Variants in PDE10A observed in about 807,000 individuals in gnomAD.
PDE10A encodes cAMP and cAMP-inhibited cGMP 3',5'-cyclic phosphodiesterase 10A.
A neutral mutation model predicts 97.7 loss-of-function variants in PDE10A; 39 were observed. The ratio of observed to expected loss-of-function variants is 0.40; its 90% CI spans 0.31 to 0.52. PDE10A has a LOEUF of 0.52. PDE10A is among the 20% of genes least tolerant of loss of function. The pLI is 0.56. For missense variants in PDE10A, 731 were observed against 1,047.8 expected (o/e 0.70, Z 4.17); for synonymous variants, 371 against 376.8 (o/e 0.98, Z 0.18).
chr6:165,812,898 G>A (rs892415134), intron 1 of PDE10A, among the ~76,000 whole-genome samples: 4 of 152,094 alleles, frequency 2.6e-5, no homozygotes, highest in Admixed American at 2.6e-4. Context: ...GGGGGAATTA[G>A]ATCAGGTTTC....
chr6:165,389,381 G>A (rs1028250755), intron 16 of PDE10A, among the ~76,000 whole-genome samples: 2 of 152,202 alleles, frequency 1.3e-5, no homozygotes, highest in Admixed American at 1.3e-4. Flanking sequence ...GATAATAACA[G>A]TGAAAGCTTC....
At chr6:165,856,580 T>C (rs190488087) in intron 1 of PDE10A, among the ~76,000 whole-genome samples, 2 of 152,222 alleles carry the variant, frequency 1.3e-5, no homozygotes, top group Non-Finnish European at 2.9e-5. Context: ...AACCACACAC[T>C]TAGGAACTCT....
intron 18 of PDE10A, among the ~76,000 whole-genome samples, chr6:165,352,808 C>T (rs1169763225): frequency 6.6e-6 from 1 of 151,884 alleles, no homozygotes. Context: ...CTTTTAAATA[C>T]AACACAAAGG....
intron 20 of PDE10A, among the ~76,000 whole-genome samples, chr6:165,336,897 C>G (rs1246171616): frequency 6.6e-6 from 1 of 151,926 alleles, no homozygotes; most frequent in Non-Finnish European, 1.5e-5. Context: ...CTTGCAGACA[C>G]TTCAACGTAA....
chr6:165,883,713 C>A (rs1845532), intron 1 of PDE10A, among the ~76,000 whole-genome samples: 6 of 151,692 alleles, frequency 4.0e-5, no homozygotes, highest in African/African-American at 1.2e-4. Flanking sequence ...CTCGCACACC[C>A]CACTGAGGTG....
At chr6:165,491,031 A>G (rs1780197411) in intron 2 of PDE10A, among the ~76,000 whole-genome samples, 1 of 152,222 alleles carries the variant, frequency 6.6e-6, no homozygotes, top group Non-Finnish European at 1.5e-5. Flanking sequence ...AAGGACTCAC[A>G]TAAACTTAGA....
upstream of PDE10A, among the ~76,000 whole-genome samples, chr6:165,666,445 T>G (rs1790497872): frequency 6.6e-6 from 1 of 152,246 alleles, no homozygotes. Context: ...AGCAAGTGTT[T>G]ATTGTTCCCA....
intron 1 of PDE10A, among the ~76,000 whole-genome samples, chr6:165,715,221 G>T (rs937961028): frequency 1.3e-5 from 2 of 152,250 alleles, no homozygotes; most frequent in African/African-American, 4.8e-5. Context: ...AGCAGGTGGC[G>T]AGGCTTAGGG....
chr6:165,815,461 G>A (rs1466834620), intron 1 of PDE10A, among the ~76,000 whole-genome samples: 3 of 152,182 alleles, frequency 2.0e-5, no homozygotes, highest in Non-Finnish European at 2.9e-5. Flanking sequence ...AAAGTCAACC[G>A]TGTTGATGGG....
chr6:165,567,284 T>C (rs570063404), intron 1 of PDE10A, among the ~76,000 whole-genome samples: 50 of 152,314 alleles, frequency 3.3e-4, no homozygotes, highest in African/African-American at 1.2e-3. Context: ...CTTAAGGGGT[T>C]AGCAACTGGA....
chr6:165,778,676 T>C (rs1163653575), intron 1 of PDE10A, among the ~76,000 whole-genome samples: 2 of 152,244 alleles, frequency 1.3e-5, no homozygotes, highest in Non-Finnish European at 2.9e-5. Context: ...TTGCCATCAA[T>C]AACGGGTAAG....
chr6:165,767,263 G>A (rs986772199), intron 1 of PDE10A, among the ~76,000 whole-genome samples: 3 of 152,244 alleles, frequency 2.0e-5, no homozygotes, highest in Middle Eastern at 6.8e-3. Context: ...ATGTATACTT[G>A]TTTTAAAAAT....
chr6:165,412,046 T>G (rs538046048), intron 13 of PDE10A, among the ~76,000 whole-genome samples: 3 of 152,110 alleles, frequency 2.0e-5, no homozygotes, highest in African/African-American at 7.2e-5. Flanking sequence ...TTTTTATTTT[T>G]TGACATCTAT....
intron 5 of PDE10A, among the ~76,000 whole-genome samples, chr6:165,447,427 A>G (rs1457263474): frequency 6.6e-6 from 1 of 152,176 alleles, no homozygotes; most frequent in Admixed American, 6.5e-5. Flanking sequence ...TGAACTAGAG[A>G]CCCGAGGATA....
intron 1 of PDE10A, among the ~76,000 whole-genome samples, chr6:165,682,655 C>T (rs924836800): frequency 6.6e-6 from 1 of 151,936 alleles, no homozygotes; most frequent in African/African-American, 2.4e-5. Flanking sequence ...ACCAAATCTG[C>T]CAGCCCCTTG....
At chr6:165,634,126 G>A (rs555326403) in intron 1 of PDE10A, among the ~76,000 whole-genome samples, 4 of 152,244 alleles carry the variant, frequency 2.6e-5, no homozygotes, top group Middle Eastern at 6.8e-3. Flanking sequence ...TGCGTCTGGG[G>A]TAGGGCCCAG....
chr6:165,511,597 A>C (rs1034518481), intron 2 of PDE10A, among the ~76,000 whole-genome samples: 1 of 151,964 alleles, frequency 6.6e-6, no homozygotes, highest in African/African-American at 2.4e-5. Context: ...TCTAATGCTG[A>C]CTTCTGACAG....
At chr6:165,381,797 T>C (rs1355482801) in intron 17 of PDE10A, among the ~76,000 whole-genome samples, 1 of 151,982 alleles carries the variant, frequency 6.6e-6, no homozygotes, top group African/African-American at 2.4e-5. Context: ...CCCTTTACTT[T>C]AAGAGAATCT....
chr6:165,817,345 C>T (rs995247029), intron 1 of PDE10A, among the ~76,000 whole-genome samples: 6 of 152,158 alleles, frequency 3.9e-5, no homozygotes, highest in African/African-American at 1.4e-4. Flanking sequence ...GCTTCTACAG[C>T]AGCCCTGGCT....
Sources: allele counts gnomAD v4.1 joint callset (sites outside exome capture counted in the v4.1 genomes callset), GRCh38; gene constraint gnomAD v4.1.1; transcripts MANE v1.5; gene names NCBI Gene and HGNC (gene_info 2026-07-23, HGNC 2026-07-21).